Variants in HS1BP3 observed in about 807,000 individuals in gnomAD.
The protein encoded by HS1BP3 is HCLS1-binding protein 3.
HS1BP3 carries 32 observed loss-of-function variants against 33.5 expected under a neutral mutation model. The ratio of observed to expected loss-of-function variants is 0.95; its 90% confidence interval spans 0.72 to 1.28. HS1BP3 has a LOEUF of 1.28. Among genes scored for constraint, HS1BP3 ranks in the 50% most tolerant of loss-of-function variants. The pLI is 0.00. For missense variants in HS1BP3, 486 were observed against 502.3 expected, an observed-to-expected ratio of 0.97 and a Z score of 0.31; for synonymous variants, 187 against 209.2, an observed-to-expected ratio of 0.89 and a Z score of 0.92.
downstream of HS1BP3, chr2:20,592,589 C>T (rs559870418): frequency 7.6e-5 from 12 of 158,002 alleles, no homozygotes; most frequent in African/African-American, 2.9e-4. Context: ...TGACCACAAA[C>T]TGGATGGCTT....
rs928272882 is a variant in HS1BP3, at chr2:20,647,701, A to G, written c.33-2196T>C. On this transcript the variant is annotated intron_variant, in intron 1 of 6. Transcript: ENST00000304031. ...CTTTCTCTACAGGGTCAGATAGCAA[A>G]TATTTCAGGCTGTGTAGGGTATCTG... 2.0e-5 allele frequency among the ~76,000 whole-genome samples: 3 copies of G among 152,070 alleles called. No individual in the cohort carries two copies. The East Asian group carries it at 5.8e-4, about 29-fold the overall frequency.
chr2:20,606,979 A>T (rs201747006), intron 2 of HS1BP3, among the ~76,000 whole-genome samples: 3 of 149,658 alleles, frequency 2.0e-5, no homozygotes, highest in Non-Finnish European at 4.4e-5. Context: ...TTATCTTTTT[A>T]TTTTTTTTTG....
At chr2:20,558,866 G>A (rs903538465), downstream of HS1BP3, among the ~76,000 whole-genome samples, 4 of 152,192 alleles carry the variant, frequency 2.6e-5, no homozygotes, top group African/African-American at 9.7e-5. Flanking sequence ...GGTGGGCGCT[G>A]CTGGGCTCAC....
chr2:20,562,817 C>T (rs1693033484), intron 5 of HS1BP3, among the ~76,000 whole-genome samples: 1 of 152,198 alleles, frequency 6.6e-6, no homozygotes. Flanking sequence ...ACAACTCGCA[C>T]ACGTCTGGTG....
intron 2 of HS1BP3, among the ~76,000 whole-genome samples, chr2:20,644,681 G>A (rs2149303704): frequency 6.6e-6 from 1 of 152,268 alleles, no homozygotes; most frequent in East Asian, 1.9e-4. Context: ...TGACCATATT[G>A]GCCATGTATC....
chr2:20,641,370 A>G (rs1390309582), intron 2 of HS1BP3, among the ~76,000 whole-genome samples, 190 bp from the exon 3 acceptor site: 1 of 152,156 alleles, frequency 6.6e-6, no homozygotes, highest in Non-Finnish European at 1.5e-5. Context: ...AGCAGATTCA[A>G]TAAAAACATC....
intron 5 of HS1BP3, 45 bp from the exon 6 acceptor site, chr2:20,624,076 T>C: frequency 6.3e-7 from 1 of 1,598,318 alleles, no homozygotes. Flanking sequence ...GCCTCTAGGC[T>C]GGGATGCCAT....
At chr2:20,641,759 C>T (rs1009654042) in intron 2 of HS1BP3, among the ~76,000 whole-genome samples, 2 of 152,226 alleles carry the variant, frequency 1.3e-5, no homozygotes, top group African/African-American at 4.8e-5. Context: ...AGAAGGCAGC[C>T]TTGAGCACCA....
At chr2:20,566,600 GTTTTTTTTTTT>G (rs1693134199) in intron 5 of HS1BP3, among the ~76,000 whole-genome samples, 6 of 145,848 alleles carry the variant, frequency 4.1e-5, no homozygotes, top group South Asian at 2.2e-4. Flanking sequence ...TTTGTCACAG[GTTTTTTTTTTT>G]GTTTTTTTTT....
rs114226393 is a variant in HS1BP3, at chr2:20,625,115, G to A, written c.624-223C>T. ...TGAAATCTCTAACAGATGGTCACAC[G>A]GCCAAGGGAAGGACAGGTCCTCCAT... On this transcript the variant is annotated intron_variant, in intron 4 of 6. Transcript: ENST00000304031. Among the ~76,000 whole-genome samples, 421 of 152,314 alleles carry A rather than the reference G, an allele frequency of 2.8e-3. 2 individuals are homozygous for A. Among genetic ancestry groups the A allele is most frequent in the African/African-American group, 9.4e-3 (392 of 41,570 alleles).
chr2:20,575,925 C>A (rs188518966), intron 5 of HS1BP3, among the ~76,000 whole-genome samples: 2,283 of 152,296 alleles, frequency 0.015, 43 homozygotes, highest in Middle Eastern at 0.061. Flanking sequence ...TCCTGACAGG[C>A]AATGGGGGAA....
chr2:20,588,457 G>A (rs1252704087), downstream of HS1BP3, among the ~76,000 whole-genome samples: 1 of 152,074 alleles, frequency 6.6e-6, no homozygotes, highest in African/African-American at 2.4e-5. Context: ...GCTGGATTAC[G>A]GGCACCAGCC....
intron 5 of HS1BP3, among the ~76,000 whole-genome samples, 176 bp downstream of exon 5, chr2:20,624,556 C>T (rs1459674894): frequency 6.6e-6 from 1 of 152,198 alleles, no homozygotes; most frequent in African/African-American, 2.4e-5. Context: ...CCTGGAAGCC[C>T]AGGGCCCACA....
intron 4 of HS1BP3, chr2:20,635,939 C>T (rs533246440): frequency 6.6e-6 from 1 of 152,354 alleles, no homozygotes; most frequent in East Asian, 1.9e-4. Flanking sequence ...TGGCGACTCC[C>T]ACCCTCCCAG....
chr2:20,580,637 C>T (rs952351968), intron 5 of HS1BP3, among the ~76,000 whole-genome samples: 5 of 152,112 alleles, frequency 3.3e-5, no homozygotes, highest in African/African-American at 1.2e-4. Context: ...AAATGACTAA[C>T]AAGTTCATGA....
At chr2:20,585,349 C>T (rs1176641575) in intron 5 of HS1BP3, among the ~76,000 whole-genome samples, 1 of 152,100 alleles carries the variant, frequency 6.6e-6, no homozygotes, top group Non-Finnish European at 1.5e-5. Context: ...GTTACTAATA[C>T]AATGATCAAC....
chr2:20,622,132 G>A (rs1299663839), intron 6 of HS1BP3: 12 of 1,235,432 alleles, frequency 9.7e-6, no homozygotes, highest in Admixed American at 5.3e-5. Flanking sequence ...GCGGCCTCAG[G>A]GTGGCTGAGG....
chr2:20,642,185 C>T (rs531176527), intron 2 of HS1BP3, among the ~76,000 whole-genome samples: 10 of 152,350 alleles, frequency 6.6e-5, no homozygotes, highest in Admixed American at 3.9e-4. Flanking sequence ...CTCCCAGGCC[C>T]GGACTGTGCC....
chr2:20,644,209 C>T (rs143419590), intron 2 of HS1BP3, among the ~76,000 whole-genome samples: 1 of 152,194 alleles, frequency 6.6e-6, no homozygotes, highest in East Asian at 1.9e-4. Flanking sequence ...GTGATCTCAA[C>T]CCTCTTGAAA....
Sources: allele counts gnomAD v4.1 joint callset (sites outside exome capture counted in the v4.1 genomes callset), GRCh38; gene constraint gnomAD v4.1.1; transcripts MANE v1.5; gene names NCBI Gene and HGNC (gene_info 2026-07-23, HGNC 2026-07-21).